GRID1: variants seen among roughly 807,000 people sequenced by gnomAD.
GRID1 encodes the protein glutamate receptor ionotropic, delta-1.
In GRID1, 28 loss-of-function variants were observed where a neutral mutation model predicts 98.0. That is an observed-to-expected ratio of 0.29 (90% CI 0.21 to 0.39). GRID1 has a LOEUF of 0.39. Among genes scored for constraint, GRID1 ranks in the 10% least tolerant of loss-of-function variants. The pLI is 1.00. For synonymous variants in GRID1, 553 were observed against 538.5 expected, an observed-to-expected ratio of 1.03 and a Z score of -0.37; for missense variants, 1,111 against 1,340.5, an observed-to-expected ratio of 0.83 and a Z score of 2.67.
intron 4 of GRID1, among the ~76,000 whole-genome samples, chr10:86,086,159 C>G (rs1844053079): frequency 6.6e-6 from 1 of 152,256 alleles, no homozygotes; most frequent in South Asian, 2.1e-4. Context: ...CCATCACATC[C>G]CTTGGCTCCT....
At chr10:85,683,147 C>A (rs1050208737) in intron 12 of GRID1, among the ~76,000 whole-genome samples, 1 of 152,188 alleles carries the variant, frequency 6.6e-6, no homozygotes, top group Non-Finnish European at 1.5e-5. Context: ...CTGTCTGAAA[C>A]TTACTCACCA....
intron 13 of GRID1, among the ~76,000 whole-genome samples, chr10:85,622,325 G>A (rs970707576): frequency 6.6e-6 from 1 of 151,376 alleles, no homozygotes; most frequent in Non-Finnish European, 1.5e-5. Flanking sequence ...AGTAGGAGCT[G>A]CCTTCTGGAC....
chr10:86,173,887 C>T (rs993051849), intron 3 of GRID1, among the ~76,000 whole-genome samples: 1 of 151,944 alleles, frequency 6.6e-6, no homozygotes, highest in Non-Finnish European at 1.5e-5. Flanking sequence ...CATCCATGTC[C>T]CTACAAAGGA....
chr10:85,739,506 GC>G (rs1841919845), intron 8 of GRID1, among the ~76,000 whole-genome samples: 1 of 152,128 alleles, frequency 6.6e-6, no homozygotes, highest in Admixed American at 6.6e-5. Flanking sequence ...GATCACTTGA[GC>G]CCAGGAGTTC....
chr10:85,728,231 C>T (rs1171244734), intron 9 of GRID1, among the ~76,000 whole-genome samples, 179 bp from the exon 10 acceptor site: 2 of 152,174 alleles, frequency 1.3e-5, no homozygotes, highest in Non-Finnish European at 2.9e-5. Flanking sequence ...AGGAACAGTG[C>T]ACAGGATGAT....
chr10:86,118,727 G>A (rs1844623066), intron 4 of GRID1, among the ~76,000 whole-genome samples: 1 of 152,166 alleles, frequency 6.6e-6, no homozygotes, highest in Non-Finnish European at 1.5e-5. Flanking sequence ...TACACCAACA[G>A]TGATAAGTCA....
At chr10:86,080,399 AAGGGAAGGGAAGGGGAGGGG>A (rs1843952393) in intron 4 of GRID1, among the ~76,000 whole-genome samples, 1 of 25,084 alleles carries the variant, frequency 4.0e-5, no homozygotes, top group African/African-American at 1.3e-4. Flanking sequence ...AAGGGAAGGG[AAGGGAAGGGAAGGGGAGGGG>A]AGGGGAGGGG....
chr10:86,133,087 G>A (rs1844863044), intron 4 of GRID1, among the ~76,000 whole-genome samples: 1 of 152,216 alleles, frequency 6.6e-6, no homozygotes, highest in South Asian at 2.1e-4. Flanking sequence ...TGCTGCAACT[G>A]TCACTGGGTA....
chr10:86,121,576 TCAC>T (rs376041669), intron 4 of GRID1, among the ~76,000 whole-genome samples: 71 of 145,506 alleles, frequency 4.9e-4, no homozygotes, highest in East Asian at 8.0e-4. Flanking sequence ...ACCATCAACA[TCAC>T]CACCATCACC....
At chr10:85,792,140 TG>T (rs1842486365) in intron 8 of GRID1, among the ~76,000 whole-genome samples, 1 of 152,176 alleles carries the variant, frequency 6.6e-6, no homozygotes, top group South Asian at 2.1e-4. Context: ...GCCACAGGCC[TG>T]GGACCTCAGC....
intron 2 of GRID1, among the ~76,000 whole-genome samples, chr10:86,235,679 A>C (rs1589421251): frequency 6.6e-6 from 1 of 152,180 alleles, no homozygotes; most frequent in African/African-American, 2.4e-5. Context: ...TTTCACTTAG[A>C]ATAATGTTTT....
In GRID1 at chr10:86,366,498, G is replaced by C. The variant is rs1414837204; in HGVS notation, c.-106C>G. On this transcript the variant is annotated 5_prime_UTR_variant, in exon 1 of 16. Transcript: ENST00000327946. The surrounding 1 kb of genome is among the most constrained non-coding windows in gnomAD (Gnocchi z 4.1). ...TGCAGTCCCGGGCCGCTCCCCGGGA[G>C]AGCCGAGCCCGCCCGTGCGTCTTCC... The C allele has an allele frequency of 3.3e-6, 2 of 611,748 alleles. No individual in the cohort carries two copies. The highest frequency in any genetic ancestry group is 4.7e-6 in the Non-Finnish European group (2 of 427,564). 37.9% of individuals were successfully genotyped at this position (611,748 alleles called of 1,614,324 possible). A position where few individuals can be genotyped will look rare whatever the true frequency, so the allele number is the denominator to read the frequency against.
intron 3 of GRID1, among the ~76,000 whole-genome samples, chr10:86,180,133 G>A (rs1845634467): frequency 6.6e-6 from 1 of 152,250 alleles, no homozygotes. Flanking sequence ...GTGGAGTGGT[G>A]GAGAGGTGCA....
intron 8 of GRID1, among the ~76,000 whole-genome samples, chr10:85,847,178 G>A (rs990799546): frequency 2.0e-5 from 3 of 152,208 alleles, no homozygotes; most frequent in Non-Finnish European, 4.4e-5. Flanking sequence ...ACAGAATGGA[G>A]ACACACAGAA....
chr10:85,919,107 G>A (rs1841663661), intron 4 of GRID1, among the ~76,000 whole-genome samples: 1 of 152,248 alleles, frequency 6.6e-6, no homozygotes. Flanking sequence ...CTGTGAATCT[G>A]AAGGTCTGGG....
intron 4 of GRID1, among the ~76,000 whole-genome samples, chr10:86,001,081 G>C (rs1842797174): frequency 6.6e-6 from 1 of 152,188 alleles, no homozygotes; most frequent in South Asian, 2.1e-4. Context: ...CTCAGTAAAA[G>C]CAGCTGGTCT....
At chr10:85,862,640 CTCT>C (rs1234969278) in intron 6 of GRID1, among the ~76,000 whole-genome samples, 5 of 152,110 alleles carry the variant, frequency 3.3e-5, no homozygotes, top group Non-Finnish European at 7.4e-5. Flanking sequence ...GGGCTTGCAG[CTCT>C]TGAGAGACCC....
chr10:86,328,155 T>G (rs953128301), intron 2 of GRID1, among the ~76,000 whole-genome samples: 4 of 152,126 alleles, frequency 2.6e-5, no homozygotes, highest in African/African-American at 9.7e-5. Context: ...ATAGGTGTAG[T>G]CAGCATTATT....
rs182156625 is a variant in GRID1, at chr10:86,182,046, T to C, written c.520+24318A>G. 7.9e-4 allele frequency among the ~76,000 whole-genome samples: 121 copies of C among 152,306 alleles called. 1 individual carries two copies. Among genetic ancestry groups the C allele is most frequent in the Middle Eastern group, 6.8e-3 (2 of 294 alleles). Reference sequence around the variant, plus strand: ...AAGTGAAGTGGGCTTCTTTAAGAGCTTAATGACTTCAGACTCCGCACTCGA... The same window carrying C: ...AAGTGAAGTGGGCTTCTTTAAGAGCCTAATGACTTCAGACTCCGCACTCGA... On this transcript the variant is annotated intron_variant, in intron 3 of 15. Transcript: ENST00000327946.
Sources: gnomAD v4.1 joint callset for allele counts (sites outside exome capture counted in the v4.1 genomes callset) on GRCh38, gnomAD v4.1.1 for gene constraint, Gnocchi (gnomAD v3.1) non-coding constraint, MANE v1.5 for transcripts, NCBI Gene and HGNC (gene_info 2026-07-23, HGNC 2026-07-21) for gene names.